PCDH11X: variants seen among roughly 807,000 people sequenced by gnomAD.
The protein encoded by PCDH11X is protocadherin 11 X-linked, also known as protocadherin-11 X-linked.
Under a neutral mutation model 53.3 loss-of-function variants are expected in PCDH11X, and 18 were observed. The observed-to-expected ratio is 0.34, with a 90% CI of 0.23 to 0.50. The LOEUF is 0.50. PCDH11X is among the 20% of genes least tolerant of loss of function. The pLI is 0.98. For missense variants in PCDH11X, 570 were observed against 1,032.4 expected (o/e 0.55, Z 6.14); for synonymous variants, 279 against 393.3 (o/e 0.71, Z 3.44).
chrX:91,898,186 ATCT>A (rs1680900760), intron 6 of PCDH11X, among the ~76,000 whole-genome samples: 1 of 109,559 alleles, frequency 9.1e-6, no homozygotes, highest in African/African-American at 3.3e-5. Context: ...AACTCATCTA[ATCT>A]TCTTATAATA....
chrX:92,520,566 G>A (rs1321868017), intron 10 of PCDH11X, among the ~76,000 whole-genome samples: 1 of 100,208 alleles, frequency 1.0e-5, no homozygotes, highest in Non-Finnish European at 2.0e-5. Flanking sequence ...CTTCTGTCTT[G>A]GCCTCCCAAA....
intron 10 of PCDH11X, among the ~76,000 whole-genome samples, chrX:92,493,368 A>G (rs764007477): frequency 1.8e-5 from 2 of 111,052 alleles, no homozygotes; most frequent in South Asian, 7.6e-4. Context: ...GGTAGATCTC[A>G]TGTTGAGTGC....
At chrX:92,523,982 A>G (rs1293767073) in intron 10 of PCDH11X, among the ~76,000 whole-genome samples, 2 of 109,748 alleles carry the variant, frequency 1.8e-5, no homozygotes, top group African/African-American at 6.6e-5. Flanking sequence ...GTTCTTTCTG[A>G]GATCAGAATT....
chrX:92,153,823 G>A (rs1357221197), intron 6 of PCDH11X, among the ~76,000 whole-genome samples: 3 of 109,955 alleles, frequency 2.7e-5, no homozygotes, highest in Admixed American at 9.8e-5. Context: ...CAGCAGTTAC[G>A]ATAAAAACCA....
At chrX:91,886,830 G>A (rs928453261) in intron 6 of PCDH11X, among the ~76,000 whole-genome samples, 28 of 108,216 alleles carry the variant, frequency 2.6e-4, no homozygotes, top group Non-Finnish European at 4.8e-4. Context: ...AATTAGCTGG[G>A]CGTGGTGGCG....
intron 10 of PCDH11X, among the ~76,000 whole-genome samples, chrX:92,594,597 A>T (rs1925380214): frequency 9.2e-6 from 1 of 108,860 alleles, no homozygotes; most frequent in Non-Finnish European, 1.9e-5. Context: ...TTTCAGCCAC[A>T]GTTGTTTTAT....
chrX:92,526,970 G>A (rs868362300), intron 10 of PCDH11X, among the ~76,000 whole-genome samples: 16 of 111,324 alleles, frequency 1.4e-4, no homozygotes, highest in African/African-American at 4.9e-4. Context: ...ATGAGCTCTT[G>A]CCATTTGCAA....
At chrX:92,590,176 C>A (rs139703453) in intron 10 of PCDH11X, among the ~76,000 whole-genome samples, 86 of 110,153 alleles carry the variant, frequency 7.8e-4, no homozygotes, top group African/African-American at 2.8e-3. Flanking sequence ...ACCCCCACCC[C>A]TTTCCCCAAA....
intron 6 of PCDH11X, among the ~76,000 whole-genome samples, chrX:91,880,156 TC>T (rs1939826027): frequency 9.0e-6 from 1 of 110,719 alleles, no homozygotes; most frequent in Non-Finnish European, 1.9e-5. Context: ...TTATCAGTGT[TC>T]CATGAAGAAA....
intron 6 of PCDH11X, among the ~76,000 whole-genome samples, chrX:92,105,920 T>C (rs1378010337): frequency 9.0e-6 from 1 of 111,490 alleles, no homozygotes; most frequent in Middle Eastern, 4.2e-3. Context: ...GCCTGACACT[T>C]CCCTCTACAG....
At chrX:92,012,829 A>G (rs1414220201) in intron 6 of PCDH11X, among the ~76,000 whole-genome samples, 3 of 111,979 alleles carry the variant, frequency 2.7e-5, no homozygotes, top group Non-Finnish European at 3.8e-5. Context: ...ATTTTTTAGT[A>G]TAAACATAAA....
At chrX:91,887,621 T>C (rs1363533513) in intron 6 of PCDH11X, among the ~76,000 whole-genome samples, 2 of 112,148 alleles carry the variant, frequency 1.8e-5, no homozygotes, top group Non-Finnish European at 3.8e-5. Context: ...ATTATTTGTT[T>C]TTATTTCAAG....
At chrX:92,311,097 A>T (rs2068940008) in intron 8 of PCDH11X, among the ~76,000 whole-genome samples, 1 of 111,760 alleles carries the variant, frequency 8.9e-6, no homozygotes, top group Non-Finnish European at 1.9e-5. Context: ...AATAACTTTG[A>T]TATATAAAAC....
chrX:92,214,328 T>C (rs932896864), intron 7 of PCDH11X, among the ~76,000 whole-genome samples: 1 of 111,686 alleles, frequency 9.0e-6, no homozygotes, highest in Non-Finnish European at 1.9e-5. Flanking sequence ...AGGGAAACAT[T>C]CTGCAGAAAA....
chrX:92,147,891 TCTTTC>T (rs2065315658), intron 6 of PCDH11X, among the ~76,000 whole-genome samples: 1 of 97,827 alleles, frequency 1.0e-5, no homozygotes, highest in South Asian at 5.0e-4. Flanking sequence ...TTTTTCTTTC[TCTTTC>T]CTTTTCTTTC....
chrX:92,616,492 A>T (rs1256377827), intron 10 of PCDH11X, among the ~76,000 whole-genome samples: 1 of 109,268 alleles, frequency 9.2e-6, no homozygotes, highest in Non-Finnish European at 1.9e-5. Context: ...AAAAGTCTAT[A>T]CTTTCACCAT....
intron 5 of PCDH11X, among the ~76,000 whole-genome samples, chrX:91,841,502 T>C (rs1937519819): frequency 8.9e-6 from 1 of 111,757 alleles, no homozygotes; most frequent in African/African-American, 3.2e-5. Flanking sequence ...TGTTATTAGA[T>C]ACAGATGTAT....
intron 2 of PCDH11X, 101 bp from the exon 3 acceptor site, chrX:91,810,372 T>A (rs1936257752): frequency 1.8e-5 from 2 of 112,032 alleles, no homozygotes; most frequent in Admixed American, 9.5e-5. Flanking sequence ...AATTGGAGGA[T>A]CCTGCCATAA....
intron 6 of PCDH11X, among the ~76,000 whole-genome samples, chrX:92,189,127 C>T (rs1361743830): frequency 9.0e-6 from 1 of 110,634 alleles, no homozygotes; most frequent in Non-Finnish European, 1.9e-5. Context: ...TAAACATGTG[C>T]CATGGTGGTT....
Sources: gnomAD v4.1 joint callset for allele counts (sites outside exome capture counted in the v4.1 genomes callset) on GRCh38, gnomAD v4.1.1 for gene constraint, MANE v1.5 for transcripts, NCBI Gene and HGNC (gene_info 2026-07-23, HGNC 2026-07-21) for gene names.